CRHR1: variants seen among roughly 807,000 people sequenced by gnomAD.
CRHR1 encodes corticotropin releasing hormone receptor 1, also known as corticotropin-releasing hormone receptor 1.
Under a neutral mutation model 56.0 loss-of-function variants are expected in CRHR1, and 28 were observed. The observed-to-expected ratio is 0.50, with a 90% CI of 0.37 to 0.69. The LOEUF (loss-of-function observed/expected upper bound fraction) is 0.69, where lower values mean the gene tolerates loss of function less well. Ranked by LOEUF, CRHR1 falls within the 30% of genes least tolerant of loss-of-function variation. The pLI is 0.00. For missense variants in CRHR1, 376 were observed against 548.0 expected, an observed-to-expected ratio of 0.69 and a Z score of 3.13; for synonymous variants, 195 against 216.5, an observed-to-expected ratio of 0.90 and a Z score of 0.87.
rs564707205 is a variant in CRHR1, at chr17:45,829,401, C to G, written c.434+80C>G. On this transcript the variant is annotated intron_variant, in intron 5 of 12. Coordinates refer to ENST00000314537, the MANE Select transcript of CRHR1 (RefSeq NM_004382.5). ...GGGTGGAGAAGTGAGAGGAGCAGCT[C>G]TAGGTTGGGGTGGGGGTTGCTGGGA... The G allele has an allele frequency of 4.9e-4, 705 of 1,426,730 alleles. 7 individuals are homozygous for G. In the South Asian group the frequency reaches 8.2e-3, roughly 17 times the overall value. The allele number at this position is 1,426,730 out of a possible 1,614,324, so 88.4% of individuals were successfully genotyped here.
At chr17:45,814,171 A>G (rs577633359) in intron 2 of CRHR1, among the ~76,000 whole-genome samples, 1 of 152,348 alleles carries the variant, frequency 6.6e-6, no homozygotes, top group African/African-American at 2.4e-5. Context: ...ACGCTGCCAC[A>G]TGGAACATTA....
Position 45,833,202 on chromosome 17 carries a change from G to A in CRHR1, c.835G>A (p.Val279Ile). Residue 279 changes from valine (V) to isoleucine (I), a missense_variant, in exon 9 of 13, where the codon GTC becomes ATC. By Grantham distance (29) the Val-to-Ile change is conservative (BLOSUM62 3). Around this residue, in one of 2 missense-constraint regions of CRHR1, gnomAD observed 369 missense variants for 519.5 expected, o/e 0.71. Coordinates refer to ENST00000314537, the MANE Select transcript of CRHR1 (RefSeq NM_004382.5). ...DYIYQGPMILVLLINFIFLFN... is the reference protein window; with the variant it reads ...DYIYQGPMILILLINFIFLFN... ...CATCTACCAGGGCCCCATGATCCTG[G>A]TCCTGCTGGTAAGAACCTGGGTAGG... The A allele has an allele frequency of 6.2e-7, 1 of 1,614,114 alleles. No individual in the cohort carries two copies. The highest frequency in any genetic ancestry group is 1.1e-5 in the South Asian group (1 of 91,082).
At chr17:45,831,879 G>T (rs1266783593) in intron 8 of CRHR1, among the ~76,000 whole-genome samples, 1 of 152,158 alleles carries the variant, frequency 6.6e-6, no homozygotes. Context: ...GGGCCTGCAC[G>T]GCTTCATTGG....
chr17:45,788,555 A>G (rs1355255479), intron 1 of CRHR1, among the ~76,000 whole-genome samples: 1 of 152,178 alleles, frequency 6.6e-6, no homozygotes. Context: ...CAGCTATAAA[A>G]TGGGGGAAAT....
intron 7 of CRHR1, 30 bp downstream of exon 7, chr17:45,830,600 G>A (rs16940668): frequency 0.19 from 298,755 of 1,577,396 alleles, 32,168 homozygotes; most frequent in Non-Finnish European, 0.22. Context: ...CCGCAGCCTG[G>A]GCAGTGGCGG....
intron 3 of CRHR1, 35 bp from the exon 4 acceptor site, chr17:45,821,320 G>A (rs1346289977): frequency 1.9e-6 from 3 of 1,593,542 alleles, no homozygotes; most frequent in Admixed American, 1.7e-5. Flanking sequence ...GGCCGGGGCT[G>A]CCCCGCCATC....
intron 6 of CRHR1, 37 bp from the exon 7 acceptor site, chr17:45,830,380 C>A (rs773244679): frequency 6.3e-7 from 1 of 1,589,426 alleles, no homozygotes; most frequent in Non-Finnish European, 8.6e-7. Flanking sequence ...CCTCCCCTGC[C>A]CCCCATCATC....
At chr17:45,827,189 C>T (rs1271648299) in intron 4 of CRHR1, 1 of 152,280 alleles carries the variant, frequency 6.6e-6, no homozygotes, top group African/African-American at 2.4e-5. Flanking sequence ...GCACAGTGCT[C>T]AGCATACAGC....
Position 45,784,871 on chromosome 17 carries a change from C to T in CRHR1, c.33+294C>T, listed in dbSNP as rs965345165. The stretch of plus-strand genomic sequence containing the variant: ...TCCGCGCCAAGAATCGCTCTAGGCT[C>T]TCGGGCAGACGCCTAGGGGAGGGGA... On this transcript the variant is annotated intron_variant, in intron 1 of 12. Transcript: ENST00000314537. The surrounding 1 kb of genome is among the most constrained non-coding windows in gnomAD (Gnocchi z 4.2). Among the ~76,000 whole-genome samples, 2 of 152,180 alleles carry T rather than the reference C, an allele frequency of 1.3e-5. No homozygotes were observed. The highest frequency in any genetic ancestry group is 4.8e-5 in the African/African-American group (2 of 41,452).
intron 1 of CRHR1, among the ~76,000 whole-genome samples, chr17:45,790,659 C>T (rs1053276733): frequency 1.3e-5 from 2 of 152,264 alleles, no homozygotes; most frequent in African/African-American, 4.8e-5. Flanking sequence ...GCATCTGCCC[C>T]CCTCCGCATG....
At chr17:45,785,813 C>T (rs2061325626) in intron 1 of CRHR1, among the ~76,000 whole-genome samples, 1 of 152,128 alleles carries the variant, frequency 6.6e-6, no homozygotes, top group African/African-American at 2.4e-5. Flanking sequence ...TTCTCTAATC[C>T]TGCCCCTCCC....
chr17:45,833,693 T>TCGGCC, intron 10 of CRHR1, 21 bp from the exon 11 acceptor site: 2 of 1,571,616 alleles, frequency 1.3e-6, no homozygotes, highest in Non-Finnish European at 1.7e-6. Flanking sequence ...ACTCCGAGCC[T>TCGGCC]CCCCACCCGC....
intron 3 of CRHR1, among the ~76,000 whole-genome samples, chr17:45,819,389 G>T (rs1160268185): frequency 6.6e-6 from 1 of 152,130 alleles, no homozygotes; most frequent in Admixed American, 6.5e-5. Context: ...CTGGGTCCAG[G>T]GGCCACGCTC....
At chr17:45,830,966 A>AC (rs1401695907) in intron 8 of CRHR1, 26 bp downstream of exon 8, 1 of 1,611,862 alleles carries the variant, frequency 6.2e-7, no homozygotes, top group Admixed American at 1.7e-5. Context: ...TCCCTTCCTG[A>AC]CCCCAAGGTT....
chr17:45,802,591 G>A (rs2061643668), intron 1 of CRHR1, among the ~76,000 whole-genome samples: 1 of 152,196 alleles, frequency 6.6e-6, no homozygotes, highest in Non-Finnish European at 1.5e-5. Flanking sequence ...AGCAAGAGGT[G>A]GCACAGGCAC....
chr17:45,797,307 T>TTTTC lies in CRHR1; in HGVS notation c.34-9702_34-9701insTTCT, dbSNP rs1568034430. Among the ~76,000 whole-genome samples the TTTTC allele has an allele frequency of 3.0e-3, 416 of 137,222 alleles. 11 individuals carry two copies. Among genetic ancestry groups the TTTTC allele is most frequent in the Non-Finnish European group, 5.1e-3 (319 of 62,594 alleles). 90.0% of individuals were successfully genotyped at this position (137,222 alleles called of 152,430 possible). A position where few individuals can be genotyped will look rare whatever the true frequency, so the allele number is the denominator to read the frequency against. ...TCTTTTTTTTTTTTTTTTTTTTTTT[T>TTTTC]TGAGACGGAGTCTCGCTGTGTCACC... is the stretch of plus-strand genomic sequence containing the variant. On this transcript the variant is annotated intron_variant, in intron 1 of 12. Coordinates refer to ENST00000314537, the MANE Select transcript of CRHR1 (RefSeq NM_004382.5).
chr17:45,833,693 T>TGGGGGGGGCCCCCCCCC, intron 10 of CRHR1, 21 bp from the exon 11 acceptor site: 1 of 1,571,606 alleles, frequency 6.4e-7, no homozygotes, highest in Non-Finnish European at 8.7e-7. Flanking sequence ...ACTCCGAGCC[T>TGGGGGGGGCCCCCCCCC]CCCCACCCGC....
At position 45,824,327 on chromosome 17, in the gene CRHR1, C is replaced by G. The variant is rs139057261; in HGVS notation, c.327+2887C>G. Among the ~76,000 whole-genome samples the G allele has an allele frequency of 6.8e-3, 1,041 of 152,340 alleles. 11 individuals carry two copies. The highest frequency in any genetic ancestry group is 0.024 in the African/African-American group (991 of 41,568). On this transcript the variant is annotated intron_variant, in intron 4 of 12. Coordinates refer to ENST00000314537, the MANE Select transcript of CRHR1 (RefSeq NM_004382.5). ...AGAGAGGGATGGTGTCCAGGAGGCA[C>G]AGCTAAGCCATGAGGTCAGGCTGCA...
At chr17:45,794,604 T>A (rs560520625) in intron 1 of CRHR1, among the ~76,000 whole-genome samples, 1 of 152,368 alleles carries the variant, frequency 6.6e-6, no homozygotes, top group East Asian at 1.9e-4. Flanking sequence ...TTTGGTTTAC[T>A]CAGACCCCTT....
Sources: gnomAD v4.1 joint callset for allele counts (sites outside exome capture counted in the v4.1 genomes callset) on GRCh38, gnomAD v4.1.1 for gene constraint, gnomAD v4.1.1 regional missense constraint, Gnocchi (gnomAD v3.1) non-coding constraint, MANE v1.5 for transcripts, NCBI Gene and HGNC (gene_info 2026-07-23, HGNC 2026-07-21) for gene names.